The following TARS3 variants were observed in gnomAD, a reference collection of about 807,000 sequenced individuals.
The protein encoded by TARS3 is threonine--tRNA ligase 2, cytoplasmic.
A neutral mutation model predicts 103.5 loss-of-function variants in TARS3; 94 were observed. The ratio of observed to expected loss-of-function variants is 0.91; its 90% CI spans 0.77 to 1.08. The LOEUF (loss-of-function observed/expected upper bound fraction) is 1.08. Among genes scored for constraint, TARS3 ranks in the 50% least tolerant of loss-of-function variants. The probability of loss-of-function intolerance (pLI) is 0.00; values close to 1 mark genes in which losing one functional copy is unlikely to be tolerated. For missense variants in TARS3, 952 were observed against 995.2 expected (o/e 0.96, Z 0.58); for synonymous variants, 416 against 355.4 (o/e 1.17, Z -1.92).
chr15:101,720,929 A>C (rs1343537185), intron 3 of TARS3, among the ~76,000 whole-genome samples, 197 bp downstream of exon 3: 3 of 152,154 alleles, frequency 2.0e-5, no homozygotes, highest in African/African-American at 7.2e-5. Flanking sequence ...CACGACTGTA[A>C]GTTTCCTGAA....
chr15:101,680,233 T>C (rs976802316), intron 12 of TARS3, among the ~76,000 whole-genome samples: 3 of 152,246 alleles, frequency 2.0e-5, no homozygotes, highest in African/African-American at 7.2e-5. Flanking sequence ...TCAATCAGCC[T>C]TAGCTGGCAT....
rs957538867 is a variant in TARS3 at position 101,691,115 on chromosome 15, AT to A, written c.1321-5054del. On this transcript the variant is annotated intron_variant, in intron 10 of 18. Transcript: ENST00000335968. ...CACCACGCCTGGCTAATTTTTTTGC[AT>A]TTTTAGTAGAGATGGGGTTTCACCG... Among the ~76,000 whole-genome samples the A allele has an allele frequency of 8.8e-4, 130 of 147,830 alleles. 1 individual carries two copies. Among genetic ancestry groups the A allele is most frequent in the African/African-American group, 3.1e-3 (123 of 39,926 alleles).
intron 9 of TARS3, among the ~76,000 whole-genome samples, chr15:101,701,450 T>C (rs1230428513): frequency 1.3e-5 from 2 of 152,220 alleles, no homozygotes; most frequent in African/African-American, 2.4e-5. Flanking sequence ...ACGGCACTCA[T>C]GGGGAGACAA....
intron 7 of TARS3, 122 bp downstream of exon 7, chr15:101,705,561 A>G: frequency 2.7e-6 from 2 of 749,498 alleles, no homozygotes; most frequent in South Asian, 1.6e-5. Flanking sequence ...GATTGTAACT[A>G]CGGTAGATTA....
chr15:101,682,406 T>C (rs1368228092), intron 12 of TARS3, among the ~76,000 whole-genome samples: 1 of 152,190 alleles, frequency 6.6e-6, no homozygotes, highest in Non-Finnish European at 1.5e-5. Flanking sequence ...TCTTTTTGTT[T>C]GTTTTCTTTT....
At chr15:101,669,836 G>C (rs767427444) in intron 15 of TARS3, among the ~76,000 whole-genome samples, 3 of 152,148 alleles carry the variant, frequency 2.0e-5, no homozygotes, top group Middle Eastern at 3.2e-3. Flanking sequence ...GATAATCAGT[G>C]GTCCCATAGA....
chr15:101,656,885 A>G (rs1294188137), intron 18 of TARS3, 37 bp downstream of exon 18: 1 of 1,378,780 alleles, frequency 7.3e-7, no homozygotes, highest in Non-Finnish European at 1.0e-6. Flanking sequence ...AGTGGGAAAA[A>G]AAAGCATTTG....
chr15:101,704,519 G>A (rs573711480), intron 7 of TARS3, among the ~76,000 whole-genome samples: 1 of 152,100 alleles, frequency 6.6e-6, no homozygotes, highest in East Asian at 1.9e-4. Context: ...GCTGGGCGTG[G>A]TGGTGGGCGC....
In TARS3 at chr15:101,721,025, G is replaced by A. The variant is rs138383943; in HGVS notation, c.566+101C>T. On this transcript the variant is annotated intron_variant, in intron 3 of 18. Transcript: ENST00000335968. ...GTCTCAGACATGTCCTTTTAGTATCGTGAGAATGGAGTAATATATTAGCGG... is the reference window on the plus strand; with the variant it reads ...GTCTCAGACATGTCCTTTTAGTATCATGAGAATGGAGTAATATATTAGCGG... 8.4e-5 allele frequency: 80 copies of A among 952,674 alleles called. No individual in the cohort carries two copies. In the East Asian group the frequency reaches 1.5e-3, roughly 18 times the overall value. 59.0% of individuals were successfully genotyped at this position (952,674 alleles called of 1,614,324 possible).
intron 2 of TARS3, among the ~76,000 whole-genome samples, chr15:101,722,316 A>G (rs917332826): frequency 1.1e-4 from 17 of 150,762 alleles, no homozygotes; most frequent in East Asian, 1.9e-4. Context: ...CACACATTAC[A>G]GCACTTACTT....
At chr15:101,719,575 C>T (rs1027878668) in intron 3 of TARS3, among the ~76,000 whole-genome samples, 4 of 152,204 alleles carry the variant, frequency 2.6e-5, no homozygotes, top group African/African-American at 9.7e-5. Flanking sequence ...CCAATTCTCT[C>T]TTACAGCTAG....
At chr15:101,706,680 G>T (rs1899581525) in intron 6 of TARS3, among the ~76,000 whole-genome samples, 2 of 152,182 alleles carry the variant, frequency 1.3e-5, no homozygotes, top group South Asian at 2.1e-4. Flanking sequence ...AAAACTAAGG[G>T]TTTTTTTCCT....
At chr15:101,721,760 G>T (rs1424715839) in intron 2 of TARS3, among the ~76,000 whole-genome samples, 1 of 152,162 alleles carries the variant, frequency 6.6e-6, no homozygotes, top group Non-Finnish European at 1.5e-5. Context: ...CTCCCAAAAT[G>T]CTGGGATTAC....
chr15:101,708,832 T>A lies in TARS3; in HGVS notation c.891A>T (p.Arg297Ser). ...GGAGGATTTCCTTGCTGACTTCTAGTCTTTCAAAAGGTTGCTTTTCTTTTA... is the reference window on the plus strand; with the variant it reads ...GGAGGATTTCCTTGCTGACTTCTAGACTTTCAAAAGGTTGCTTTTCTTTTA... ...AIIKEKQPFE[R>S]LEVSKEILLE... The change falls in exon 6 of 19, where the codon AGA becomes AGT. Residue 297 changes from arginine to serine, a missense_variant. Coordinates refer to ENST00000335968, the MANE Select transcript of TARS3 (RefSeq NM_152334.3). The A allele has an allele frequency of 6.2e-7, 1 of 1,613,954 alleles. No homozygotes were observed. The highest frequency in any genetic ancestry group is 8.5e-7 in the Non-Finnish European group (1 of 1,179,890).
intron 2 of TARS3, among the ~76,000 whole-genome samples, chr15:101,722,554 C>T (rs1006216931): frequency 6.7e-6 from 1 of 149,172 alleles, no homozygotes; most frequent in African/African-American, 2.5e-5. Flanking sequence ...CGCCTGTAAT[C>T]CCAGCACTTT....
At chr15:101,690,678 T>C (rs1898676228) in intron 10 of TARS3, among the ~76,000 whole-genome samples, 1 of 152,248 alleles carries the variant, frequency 6.6e-6, no homozygotes, top group African/African-American at 2.4e-5. Flanking sequence ...TGTGTGGACA[T>C]GTCACAAAGT....
Position 101,723,108 on chromosome 15 carries a change from G to C in TARS3, c.354C>G (p.Ser118Arg). ...AACAACTTACCTCGCTGTCAGCCTC[G>C]CTTTCCTTCATTTTCTTCTTTTTCA... ...KDMKKKKMKESEADSEVKHQP... is the reference protein window; with the variant it reads ...KDMKKKKMKEREADSEVKHQP... The change falls in exon 2 of 19, where the codon AGC (serine) becomes AGG (arginine). Residue 118 changes from serine (S) to arginine (R), a missense_variant. Physicochemically the swap from Ser to Arg is moderately radical, Grantham distance 110. Coordinates refer to ENST00000335968, the MANE Select transcript of TARS3 (RefSeq NM_152334.3). 1.2e-6 allele frequency: 2 copies of C among 1,613,976 alleles called. No individual in the cohort carries two copies. Among genetic ancestry groups the C allele is most frequent in the Non-Finnish European group, 1.7e-6 (2 of 1,179,964 alleles).
intron 3 of TARS3, among the ~76,000 whole-genome samples, chr15:101,719,100 G>C (rs1196422611): frequency 6.6e-6 from 1 of 152,208 alleles, no homozygotes; most frequent in African/African-American, 2.4e-5. Flanking sequence ...AGAGAACAAA[G>C]GATGAACAGG....
At chr15:101,658,989 A>C (rs1260657273) in intron 16 of TARS3, among the ~76,000 whole-genome samples, 1 of 152,076 alleles carries the variant, frequency 6.6e-6, no homozygotes, top group Non-Finnish European at 1.5e-5. Flanking sequence ...ACGGGGTTTC[A>C]CCATGTTGGC....
Sources: gnomAD v4.1 joint callset for allele counts (sites outside exome capture counted in the v4.1 genomes callset) on GRCh38, gnomAD v4.1.1 for gene constraint, MANE v1.5 for transcripts, NCBI Gene and HGNC (gene_info 2026-07-23, HGNC 2026-07-21) for gene names.